The following MACF1 variants were observed in gnomAD, a reference collection of about 807,000 sequenced individuals.
MACF1 encodes microtubule-actin cross-linking factor 1.
Under a neutral mutation model 854.8 loss-of-function variants are expected in MACF1, and 193 were observed. The observed-to-expected ratio is 0.23, with a 90% confidence interval of 0.20 to 0.25. The LOEUF is 0.25. MACF1 is among the 10% of genes least tolerant of loss of function. The pLI, the probability that MACF1 is intolerant of heterozygous loss-of-function variation, is 1.00. For synonymous variants in MACF1, 3,185 were observed against 3,226.7 expected (o/e 0.99, Z 0.44); for missense variants, 7,722 against 8,929.1 (o/e 0.86, Z 5.45).
At chr1:39,098,255 A>G (rs1012438376) in intron 2 of MACF1, among the ~76,000 whole-genome samples, 1 of 152,260 alleles carries the variant, frequency 6.6e-6, no homozygotes, top group Admixed American at 6.5e-5. Context: ...GGCGCTCAGC[A>G]TCTTACATGC....
intron 1 of MACF1, among the ~76,000 whole-genome samples, chr1:39,208,132 C>CAAA (rs1192716249): frequency 2.5e-5 from 2 of 80,558 alleles, no homozygotes; most frequent in South Asian, 4.2e-4. Context: ...GAGTCCGTCT[C>CAAA]AAAAAAAAAA....
In MACF1 at chr1:39,462,029, G is replaced by A. The variant is rs1489126994; in HGVS notation, c.21670G>A (p.Glu7224Lys). The change falls in exon 93 of 101, where the codon GAA (glutamate) becomes AAA (lysine). Residue 7224 changes from glutamate (E) to lysine (K), a missense_variant. Coordinates refer to ENST00000564288, the MANE Select transcript of MACF1 (RefSeq NM_001394062.1). The part of the protein sequence containing the change: ...YRPTTDADKI[E>K]DEVTRQVAQC... ...ACCAACAACCGATGCAGATAAAATC[G>A]AAGATGAGGTAAGGGAAATAATTAT... The A allele has an allele frequency of 6.2e-7, 1 of 1,613,482 alleles. No individual in the cohort carries two copies. Among genetic ancestry groups the A allele is most frequent in the South Asian group, 1.1e-5 (1 of 90,942 alleles).
At chr1:39,318,875 TG>T (rs1379547205) in intron 30 of MACF1, among the ~76,000 whole-genome samples, 2 of 152,098 alleles carry the variant, frequency 1.3e-5, no homozygotes, top group Admixed American at 6.5e-5. Context: ...ATCTTTATTT[TG>T]TTTTTTTTTA....
intron 2 of MACF1, among the ~76,000 whole-genome samples, chr1:39,123,680 C>T (rs1052950016): frequency 1.3e-5 from 2 of 150,110 alleles, no homozygotes; most frequent in African/African-American, 2.4e-5. Context: ...GCTGGGACTA[C>T]AGGCTCGTGC....
At chr1:39,165,467 T>G (rs1328745797) in intron 2 of MACF1, among the ~76,000 whole-genome samples, 1 of 152,208 alleles carries the variant, frequency 6.6e-6, no homozygotes, top group Non-Finnish European at 1.5e-5. Flanking sequence ...ACAAACTCAC[T>G]TTGGGGTTGG....
intron 58 of MACF1, among the ~76,000 whole-genome samples, chr1:39,399,288 A>G (rs1642385195): frequency 6.6e-6 from 1 of 151,832 alleles, no homozygotes; most frequent in Non-Finnish European, 1.5e-5. Context: ...ACCATACACT[A>G]CATCCAGTTA....
At chr1:39,443,360 G>A in intron 78 of MACF1, 86 bp from the exon 79 acceptor site, 2 of 1,444,624 alleles carry the variant, frequency 1.4e-6, no homozygotes, top group African/African-American at 1.4e-5. Context: ...CCTTCCTCAA[G>A]ATAAACTCCT....
chr1:39,342,552 TG>T (rs199503165), intron 40 of MACF1, among the ~76,000 whole-genome samples: 2,920 of 142,940 alleles, frequency 0.02, 148 homozygotes, highest in Non-Finnish European at 0.029. Flanking sequence ...TTTTTTTTTT[TG>T]TGTGACAGAG....
chr1:39,352,521 GA>G (rs1647217049), intron 43 of MACF1, among the ~76,000 whole-genome samples: 3 of 152,096 alleles, frequency 2.0e-5, no homozygotes, highest in African/African-American at 7.2e-5. Context: ...TGAATCCTAG[GA>G]TTTGTTTTGT....
chr1:39,192,054 G>A (rs1298908720), intron 2 of MACF1, among the ~76,000 whole-genome samples: 1 of 152,178 alleles, frequency 6.6e-6, no homozygotes, highest in African/African-American at 2.4e-5. Context: ...AGGAGACTGA[G>A]GCACAAGAAT....
rs929963020 is a variant in MACF1, at chr1:39,455,189, G to A, written c.21075+92G>A. ...CCTGTGTATATGTTTTTAAATGGCT[G>A]CTTAACACATTACCACAGACTTAGC... On this transcript the variant is annotated intron_variant, in intron 89 of 100. Transcript: ENST00000564288. 7.3e-6 allele frequency: 9 copies of A among 1,237,124 alleles called. No individual in the cohort carries two copies. In the East Asian group the frequency reaches 1.9e-4, roughly 26 times the overall value. The allele number at this position is 1,237,124 out of a possible 1,614,324, so 76.6% of individuals were successfully genotyped here. A position where few individuals can be genotyped will look rare whatever the true frequency, so the allele number is the denominator to read the frequency against.
chr1:39,384,503 T>G (rs1046430494), intron 56 of MACF1, among the ~76,000 whole-genome samples: 1 of 152,168 alleles, frequency 6.6e-6, no homozygotes, highest in Admixed American at 6.5e-5. Context: ...CCTAAGGTCA[T>G]ACAGCTAGTA....
intron 67 of MACF1, 121 bp downstream of exon 67, chr1:39,432,775 AT>A: frequency 2.6e-6 from 3 of 1,150,164 alleles, no homozygotes; most frequent in Non-Finnish European, 2.3e-6. Context: ...ATAGAAATTA[AT>A]TTTCTATGTA....
At chr1:39,417,829 C>T (rs1169663057) in intron 58 of MACF1, among the ~76,000 whole-genome samples, 8 of 146,960 alleles carry the variant, frequency 5.4e-5, no homozygotes, top group Non-Finnish European at 7.4e-5. Flanking sequence ...CCGCCTGCCT[C>T]GGCGTCCCAA....
At chr1:39,337,380 C>A (rs898912705) in intron 38 of MACF1, 49 bp downstream of exon 38, 2 of 1,587,274 alleles carry the variant, frequency 1.3e-6, no homozygotes, top group Non-Finnish European at 1.7e-6. Context: ...AAGATAGCTG[C>A]CTCCATCTTC....
At chr1:39,400,982 T>C (rs1289656097) in intron 58 of MACF1, among the ~76,000 whole-genome samples, 3 of 152,180 alleles carry the variant, frequency 2.0e-5, no homozygotes, top group Non-Finnish European at 4.4e-5. Flanking sequence ...AGTGGATGGA[T>C]AGAGAGCCTT....
At chr1:39,330,994 T>G in intron 36 of MACF1, 1 of 534,382 alleles carries the variant, frequency 1.9e-6, no homozygotes, top group Non-Finnish European at 2.9e-6. Flanking sequence ...GAGACGGGTT[T>G]TTCACCATGT....
At chr1:39,330,989 G>A (rs779314552) in intron 36 of MACF1, 26 of 493,696 alleles carry the variant, frequency 5.3e-5, no homozygotes, top group Non-Finnish European at 7.5e-5. Context: ...TAGTAGAGAC[G>A]GGTTTTTCAC....
rs563669381 is a variant in MACF1, at chr1:39,399,399, G to T, written c.15816+10741G>T. ...TTTTTTTTTTTTTTTTTTTGAGATG[G>T]ATTCTGGCTCTGTCACCCAGGCTGG... On this transcript the variant is annotated intron_variant, in intron 58 of 100. Coordinates refer to ENST00000564288, the MANE Select transcript of MACF1 (RefSeq NM_001394062.1). Among the ~76,000 whole-genome samples the T allele has an allele frequency of 3.2e-4, 38 of 118,562 alleles. No homozygotes were observed. In the East Asian group the frequency reaches 7.8e-3, roughly 24 times the overall value. The allele number at this position is 118,562 out of a possible 152,430, so 77.8% of individuals were successfully genotyped here.
Sources: gnomAD v4.1 joint callset for allele counts (sites outside exome capture counted in the v4.1 genomes callset) on GRCh38, gnomAD v4.1.1 for gene constraint, MANE v1.5 for transcripts, NCBI Gene and HGNC (gene_info 2026-07-23, HGNC 2026-07-21) for gene names.